CCDC40: variants seen among roughly 807,000 people sequenced by gnomAD.
CCDC40 encodes coiled-coil domain-containing protein 40.
In CCDC40, 104 loss-of-function variants were observed where a neutral mutation model predicts 124.5. The observed-to-expected ratio is 0.84, with a 90% CI of 0.71 to 0.98. The LOEUF is 0.98. Ranked by LOEUF, CCDC40 falls within the 50% of genes least tolerant of loss-of-function variation. The pLI, the probability that CCDC40 is intolerant of heterozygous loss-of-function variation, is 0.00. For missense variants in CCDC40, 1,463 were observed against 1,503.9 expected, an observed-to-expected ratio of 0.97 and a Z score of 0.45; for synonymous variants, 580 against 602.9, an observed-to-expected ratio of 0.96 and a Z score of 0.56.
intron 17 of CCDC40, among the ~76,000 whole-genome samples, chr17:80,092,642 G>A (rs991129681): frequency 7.2e-5 from 11 of 151,970 alleles, no homozygotes; most frequent in Admixed American, 5.9e-4. Context: ...ACAGGGTTTC[G>A]CTCTGTCACC....
At chr17:80,094,252 A>G (rs1290341791) in intron 17 of CCDC40, among the ~76,000 whole-genome samples, 1 of 151,230 alleles carries the variant, frequency 6.6e-6, no homozygotes, top group Admixed American at 6.6e-5. Context: ...CTACTGAAAA[A>G]AAAAAAAAAA....
At position 80,100,497 on chromosome 17, in the gene CCDC40, C is replaced by G. The variant is rs970022163; in HGVS notation, c.*722C>G. ...CCAGCGCTCTTTCTCCCTGGACTTC[C>G]AAGTACCAATGACCTTGGGGCTTCT... On this transcript the variant is annotated 3_prime_UTR_variant, in exon 20 of 20. Transcript: ENST00000397545. 1 of 152,336 alleles carries G rather than the reference C, an allele frequency of 6.6e-6. No homozygotes were observed. The highest frequency in any genetic ancestry group is 2.4e-5 in the African/African-American group (1 of 41,438). 9.4% of individuals were successfully genotyped at this position (152,336 alleles called of 1,614,324 possible).
At chr17:80,079,458 G>C (rs2038396097) in intron 10 of CCDC40, among the ~76,000 whole-genome samples, 1 of 152,092 alleles carries the variant, frequency 6.6e-6, no homozygotes, top group African/African-American at 2.4e-5. Context: ...TTCCATGTCA[G>C]AACACATAGA....
intron 12 of CCDC40, among the ~76,000 whole-genome samples, chr17:80,082,464 C>T (rs1031920108): frequency 1.3e-5 from 2 of 151,794 alleles, no homozygotes; most frequent in Non-Finnish European, 2.9e-5. Flanking sequence ...TTTTTCTTTG[C>T]CTCTTCCCGA....
Position 80,088,090 on chromosome 17 carries a change from T to C in CCDC40, c.2699T>C (p.Leu900Pro), listed in dbSNP as rs766477479. 6.2e-7 allele frequency: 1 copy of C among 1,609,740 alleles called. No homozygotes were observed. Among genetic ancestry groups the C allele is most frequent in the South Asian group, 1.1e-5 (1 of 91,000 alleles). The change falls in exon 16 of 20, where the codon CTG (leucine) becomes CCG (proline). Residue 900 changes from leucine to proline, a missense_variant. Physicochemically the swap from Leu to Pro is moderately conservative, Grantham distance 98. Coordinates refer to ENST00000397545, the MANE Select transcript of CCDC40 (RefSeq NM_017950.4). The stretch of plus-strand genomic sequence containing the variant: ...GAGAAGGCGACCCTCCTGAATCAAC[T>C]GGTGGAAGCAGAGTGAGTCCCAGTC... Reference protein sequence around the residue: ...SEEKATLLNQLVEAEHQIMLW... With the variant: ...SEEKATLLNQPVEAEHQIMLW...
intron 10 of CCDC40, among the ~76,000 whole-genome samples, chr17:80,072,129 C>T (rs1043839269): frequency 7.2e-5 from 11 of 152,228 alleles, no homozygotes; most frequent in African/African-American, 2.2e-4. Context: ...GCGTGAGCCA[C>T]GGCACCAGCC....
chr17:80,064,667 T>G (rs886318058), intron 9 of CCDC40, among the ~76,000 whole-genome samples: 3 of 139,868 alleles, frequency 2.1e-5, no homozygotes, highest in Non-Finnish European at 3.1e-5. Flanking sequence ...ACCACCCCCC[T>G]AGTTTTCAAG....
chr17:80,058,931 A>G lies in CCDC40; in HGVS notation c.1391A>G (p.Tyr464Cys). 2 of 1,614,124 alleles carry G rather than the reference A, an allele frequency of 1.2e-6. No individual in the cohort carries two copies. Among genetic ancestry groups the G allele is most frequent in the Non-Finnish European group, 8.5e-7 (1 of 1,179,986 alleles). ...EEDIALFEAQYLAQAEDTRIL... is the reference protein window; with the variant it reads ...EEDIALFEAQCLAQAEDTRIL... ...GACATTGCCCTGTTTGAGGCTCAGTACTTGGCCCAAGCTGAGGACACCCGG... is the reference window on the plus strand; with the variant it reads ...GACATTGCCCTGTTTGAGGCTCAGTGCTTGGCCCAAGCTGAGGACACCCGG... Residue 464 changes from tyrosine to cysteine, a missense_variant, in exon 9 of 20, where the codon TAC (tyrosine) becomes TGC (cysteine). Physicochemically the swap from Tyr to Cys is radical, Grantham distance 194. Coordinates refer to ENST00000397545, the MANE Select transcript of CCDC40 (RefSeq NM_017950.4). The surrounding 1 kb of genome is among the most constrained non-coding windows in gnomAD (Gnocchi z 4.2).
In CCDC40 at chr17:80,040,199, C is replaced by T. The variant is rs755870948; in HGVS notation, c.481C>T (p.Pro161Ser). The change falls in exon 3 of 20, where the codon CCA becomes TCA. Residue 161 changes from proline (P) to serine (S), a missense_variant. By Grantham distance (74) the Pro-to-Ser change is moderately conservative (BLOSUM62 -1). Coordinates refer to ENST00000397545, the MANE Select transcript of CCDC40 (RefSeq NM_017950.4). The part of the protein sequence containing the change: ...SRERRVTSPE[P>S]SHGVLGPSEQ... ...AGAAAGGAGGGTCACCTCCCCAGAG[C>T]CATCCCACGGAGTCTTAGGCCCGTC... The T allele has an allele frequency of 6.2e-7, 1 of 1,613,890 alleles. No individual in the cohort carries two copies. The highest frequency in any genetic ancestry group is 8.5e-7 in the Non-Finnish European group (1 of 1,179,874).
At chr17:80,059,309 G>A (rs1187974558) in intron 9 of CCDC40, among the ~76,000 whole-genome samples, 3 of 152,112 alleles carry the variant, frequency 2.0e-5, no homozygotes, top group African/African-American at 7.2e-5. Flanking sequence ...CTTCCGGGGA[G>A]GACTGAAGTC....
At position 80,066,225 on chromosome 17, in the gene CCDC40, C is replaced by T. The variant is rs981868545; in HGVS notation, c.1562+619C>T. 4 of 702,350 alleles carry T rather than the reference C, an allele frequency of 5.7e-6. No individual in the cohort carries two copies. The highest frequency in any genetic ancestry group is 1.7e-5 in the African/African-American group (1 of 57,234). 43.5% of individuals were successfully genotyped at this position (702,350 alleles called of 1,614,324 possible). A position where few individuals can be genotyped will look rare whatever the true frequency, so the allele number is the denominator to read the frequency against. On this transcript the variant is annotated intron_variant, in intron 10 of 19. Coordinates refer to ENST00000397545, the MANE Select transcript of CCDC40 (RefSeq NM_017950.4). The surrounding 1 kb of genome is among the most constrained non-coding windows in gnomAD (Gnocchi z 4.4). ...TAACTTCCCCTCCACCTTTCGTAGT[C>T]TCCACCCCTTGTGCCCAGCACAGAG...
chr17:80,067,173 G>C (rs1236663457), intron 10 of CCDC40: 1 of 235,776 alleles, frequency 4.2e-6, no homozygotes. Context: ...TCACCTCCGA[G>C]ATGGTCCTGT....
chr17:80,061,804 ATCTTT>A (rs2143661589), intron 9 of CCDC40, among the ~76,000 whole-genome samples: 1 of 152,132 alleles, frequency 6.6e-6, no homozygotes, highest in Non-Finnish European at 1.5e-5. Context: ...ATTGGCCTTT[ATCTTT>A]ATCAAGATCT....
At chr17:80,040,571 C>T in intron 3 of CCDC40, 1 of 391,842 alleles carries the variant, frequency 2.6e-6, no homozygotes. Flanking sequence ...CCCAGCTACT[C>T]AGGAGGCTGA....
At position 80,099,862 on chromosome 17, in the gene CCDC40, C is replaced by A. The variant is rs1240478581; in HGVS notation, c.*87C>A. 1.4e-6 allele frequency: 2 copies of A among 1,473,008 alleles called. No individual in the cohort carries two copies. Among genetic ancestry groups the A allele is most frequent in the Admixed American group, 3.6e-5 (2 of 56,256 alleles). The allele number at this position is 1,473,008 out of a possible 1,614,324, so 91.2% of individuals were successfully genotyped here. On this transcript the variant is annotated 3_prime_UTR_variant, in exon 20 of 20. Coordinates refer to ENST00000397545, the MANE Select transcript of CCDC40 (RefSeq NM_017950.4). The stretch of plus-strand genomic sequence containing the variant: ...TGAGGGACTTGGAATCTTTTGTGTT[C>A]CTAAAAACCACATGTACCCTCAGAA...
chr17:80,064,993 C>T (rs1162948044), intron 9 of CCDC40, among the ~76,000 whole-genome samples: 2 of 151,656 alleles, frequency 1.3e-5, no homozygotes, highest in African/African-American at 4.9e-5. Flanking sequence ...CGGATGCTGG[C>T]CAGGATCCCC....
chr17:80,097,628 G>A (rs1382798674), intron 19 of CCDC40: 1 of 583,926 alleles, frequency 1.7e-6, no homozygotes, highest in African/African-American at 1.9e-5. Flanking sequence ...CTGGGCTCAT[G>A]TTCAGCGTGC....
intron 17 of CCDC40, among the ~76,000 whole-genome samples, chr17:80,093,796 G>C (rs2038759655): frequency 6.6e-6 from 1 of 152,166 alleles, no homozygotes; most frequent in Non-Finnish European, 1.5e-5. Flanking sequence ...TTACAGGCGT[G>C]AGCCACCGCA....
chr17:80,050,222 G>T lies in CCDC40; in HGVS notation c.1098G>T (p.Leu366=). The T allele has an allele frequency of 1.2e-6, 2 of 1,606,054 alleles. No homozygotes were observed. The highest frequency in any genetic ancestry group is 2.2e-5 in the South Asian group (2 of 90,218). ...AGCGCAGGCAGAAGGAGGAGGAGCT[G>T]CAGGCCGCCCGCGCTCTCTACACCA... The part of the protein sequence containing the change: ...SSERRQKEEE[L]QAARALYTKT... The change falls in exon 7 of 20, where the codon CTG becomes CTT. Residue 366 remains leucine, a synonymous_variant. Coordinates refer to ENST00000397545, the MANE Select transcript of CCDC40 (RefSeq NM_017950.4).
Sources: gnomAD v4.1 joint callset for allele counts (sites outside exome capture counted in the v4.1 genomes callset) on GRCh38, gnomAD v4.1.1 for gene constraint, Gnocchi (gnomAD v3.1) non-coding constraint, MANE v1.5 for transcripts, NCBI Gene and HGNC (gene_info 2026-07-23, HGNC 2026-07-21) for gene names.